Variants in CCSER1 observed in about 807,000 individuals in gnomAD.
CCSER1 encodes coiled-coil serine rich protein 1.
Under a neutral mutation model 82.0 loss-of-function variants are expected in CCSER1, and 41 were observed. The ratio of observed to expected loss-of-function variants is 0.50; its 90% CI spans 0.39 to 0.65. CCSER1 has a LOEUF of 0.65. Among genes scored for constraint, CCSER1 ranks in the 30% least tolerant of loss-of-function variants. CCSER1 has a pLI of 0.00. For missense variants in CCSER1, 1,119 were observed against 1,064.2 expected (o/e 1.05, Z -0.72); for synonymous variants, 414 against 383.9 (o/e 1.08, Z -0.92).
At chr4:90,478,880 A>G (rs1765486111) in intron 5 of CCSER1, among the ~76,000 whole-genome samples, 1 of 151,876 alleles carries the variant, frequency 6.6e-6, no homozygotes, top group African/African-American at 2.4e-5. Context: ...AGCTGGGATT[A>G]TAGGCACGTG....
intron 8 of CCSER1, among the ~76,000 whole-genome samples, chr4:90,817,216 G>A (rs1172337078): frequency 6.6e-6 from 1 of 151,944 alleles, no homozygotes; most frequent in East Asian, 1.9e-4. Flanking sequence ...ATCACCTATA[G>A]ATATTTATTG....
At chr4:91,342,004 A>T (rs911779399) in intron 10 of CCSER1, among the ~76,000 whole-genome samples, 1 of 152,214 alleles carries the variant, frequency 6.6e-6, no homozygotes, top group African/African-American at 2.4e-5. Context: ...GAGTAAGAGG[A>T]AAGGATGCAA....
At chr4:90,397,008 GA>G (rs559609831) in intron 3 of CCSER1, among the ~76,000 whole-genome samples, 174 of 152,238 alleles carry the variant, frequency 1.1e-3, no homozygotes, top group African/African-American at 3.7e-3. Context: ...ATCTGGAAAA[GA>G]TGTTTTTAGG....
At chr4:90,911,300 G>A (rs922529575) in intron 8 of CCSER1, 1 of 455,970 alleles carries the variant, frequency 2.2e-6, no homozygotes, top group African/African-American at 2.0e-5. Context: ...TATTTGCTTG[G>A]CTGTGTTTCT....
At chr4:91,334,176 G>A (rs1428590651) in intron 10 of CCSER1, among the ~76,000 whole-genome samples, 3 of 152,048 alleles carry the variant, frequency 2.0e-5, no homozygotes, top group Admixed American at 2.0e-4. Flanking sequence ...TGTGATAATA[G>A]CGACAAAATC....
At chr4:90,176,378 G>C (rs1732661496) in intron 1 of CCSER1, among the ~76,000 whole-genome samples, 1 of 152,014 alleles carries the variant, frequency 6.6e-6, no homozygotes, top group South Asian at 2.1e-4. Context: ...GAGAAGGCCT[G>C]GAGAAGAGGA....
At chr4:91,506,365 A>G (rs1578646681) in intron 10 of CCSER1, among the ~76,000 whole-genome samples, 2 of 152,096 alleles carry the variant, frequency 1.3e-5, no homozygotes, top group East Asian at 3.9e-4. Flanking sequence ...GTCAGGTAGC[A>G]TGATGACTCC....
chr4:90,829,408 C>T (rs940444936), intron 8 of CCSER1, among the ~76,000 whole-genome samples: 4 of 151,978 alleles, frequency 2.6e-5, no homozygotes, highest in African/African-American at 7.2e-5. Flanking sequence ...AAAACAGCTA[C>T]GCTAAAACAT....
chr4:90,191,363 G>A (rs1021921070), intron 1 of CCSER1, among the ~76,000 whole-genome samples: 1 of 152,006 alleles, frequency 6.6e-6, no homozygotes, highest in Non-Finnish European at 1.5e-5. Flanking sequence ...GAGATAGATG[G>A]TCAGAAAGAG....
intron 10 of CCSER1, among the ~76,000 whole-genome samples, chr4:91,386,128 C>G (rs974224165): frequency 6.6e-6 from 1 of 151,418 alleles, no homozygotes; most frequent in African/African-American, 2.4e-5. Context: ...ATACCATTCC[C>G]CAGTGAATGG....
intron 8 of CCSER1, among the ~76,000 whole-genome samples, chr4:90,888,222 A>G (rs150373488): frequency 9.2e-5 from 14 of 152,304 alleles, no homozygotes; most frequent in African/African-American, 2.6e-4. Flanking sequence ...ATTCAAAAAA[A>G]TCAGCTCTAA....
intron 1 of CCSER1, among the ~76,000 whole-genome samples, chr4:90,165,191 T>C (rs1175578490): frequency 6.6e-6 from 1 of 152,094 alleles, no homozygotes; most frequent in Non-Finnish European, 1.5e-5. Context: ...GTGCCAAATA[T>C]TAAGTTTCAC....
At chr4:90,206,342 T>A (rs909645614) in intron 1 of CCSER1, among the ~76,000 whole-genome samples, 1 of 152,220 alleles carries the variant, frequency 6.6e-6, no homozygotes, top group Non-Finnish European at 1.5e-5. Context: ...TTTACTGCTA[T>A]AAATTTCCCT....
chr4:91,106,335 A>T (rs1048054149), intron 10 of CCSER1, among the ~76,000 whole-genome samples: 3 of 152,204 alleles, frequency 2.0e-5, no homozygotes, highest in Non-Finnish European at 2.9e-5. Context: ...AAGCCCAGGA[A>T]GCCAGAATTC....
chr4:91,397,112 T>C (rs1752033019), intron 10 of CCSER1, among the ~76,000 whole-genome samples: 1 of 152,090 alleles, frequency 6.6e-6, no homozygotes. Context: ...AATTGCTAAA[T>C]ATTTCTTGAA....
chr4:90,856,087 T>C (rs1262122285), intron 8 of CCSER1, among the ~76,000 whole-genome samples: 1 of 152,174 alleles, frequency 6.6e-6, no homozygotes, highest in Non-Finnish European at 1.5e-5. Flanking sequence ...AAAATATTAA[T>C]TTAATACACA....
At chr4:90,913,083 A>G (rs1488704664) in intron 8 of CCSER1, among the ~76,000 whole-genome samples, 1 of 152,212 alleles carries the variant, frequency 6.6e-6, no homozygotes, top group Non-Finnish European at 1.5e-5. Context: ...TATCCAGGAG[A>G]ACTTCCCCAA....
chr4:91,583,628 T>C (rs1222201854), intron 10 of CCSER1, among the ~76,000 whole-genome samples: 1 of 151,554 alleles, frequency 6.6e-6, no homozygotes, highest in Non-Finnish European at 1.5e-5. Context: ...CTAAGCTTCT[T>C]GCTTGAATAG....
intron 3 of CCSER1, among the ~76,000 whole-genome samples, chr4:90,374,156 A>T (rs1020420358): frequency 6.6e-6 from 1 of 152,204 alleles, no homozygotes; most frequent in African/African-American, 2.4e-5. Flanking sequence ...AAAATAAAAA[A>T]TGTTTTATTT....
Sources: gnomAD v4.1 joint callset for allele counts (sites outside exome capture counted in the v4.1 genomes callset) on GRCh38, gnomAD v4.1.1 for gene constraint, MANE v1.5 for transcripts, NCBI Gene and HGNC (gene_info 2026-07-23, HGNC 2026-07-21) for gene names.